Variants in ZNF705G observed in about 807,000 individuals in gnomAD.
ZNF705G encodes putative zinc finger protein 705G.
ZNF705G carries 23 observed loss-of-function variants against 19.6 expected under a neutral mutation model. The observed-to-expected ratio is 1.17, with a 90% confidence interval of 0.84 to 1.66. The LOEUF is 1.66. Ranked by LOEUF, ZNF705G falls within the 40% of genes most tolerant of loss-of-function variation. The pLI is 0.00. For synonymous variants in ZNF705G, 146 were observed against 117.7 expected, an observed-to-expected ratio of 1.24 and a Z score of -1.56; for missense variants, 457 against 354.4, an observed-to-expected ratio of 1.29 and a Z score of -2.32.
At chr8:7,369,182 C>A (rs1340446019) in intron 2 of ZNF705G, among the ~76,000 whole-genome samples, 1 of 149,440 alleles carries the variant, frequency 6.7e-6, no homozygotes, top group African/African-American at 2.6e-5. Flanking sequence ...CACTGGGTCA[C>A]CCCACAACAT....
In ZNF705G at chr8:7,358,560, C is replaced by A. The variant is rs768396741; in HGVS notation, c.319G>T (p.Glu107Ter). The change falls in exon 7 of 7, where the codon GAG becomes TAG. Residue 107 changes from glutamate (E) to a stop codon, truncating the protein, a stop_gained and splice_region_variant. Coordinates refer to ENST00000400156, the MANE Select transcript of ZNF705G (RefSeq NM_001164457.3). LOFTEE classifies it low-confidence loss of function (END_TRUNC). ...RKDASTSMTM[E>*]NSLILEDPFE... ...GGATCCTCCAGAATGAGAGAGTTCTCCTTTGGGGCAAATATTAAAAGCTCT... is the reference window on the plus strand; with the variant it reads ...GGATCCTCCAGAATGAGAGAGTTCTACTTTGGGGCAAATATTAAAAGCTCT... 13 of 1,607,286 alleles carry A rather than the reference C, an allele frequency of 8.1e-6. 1 individual carries two copies. Among genetic ancestry groups the A allele is most frequent in the Non-Finnish European group, 1.1e-5 (13 of 1,179,454 alleles).
chr8:7,364,806 T>C (rs371468033), intron 2 of ZNF705G, among the ~76,000 whole-genome samples: 2 of 149,580 alleles, frequency 1.3e-5, no homozygotes, highest in South Asian at 4.2e-4. Flanking sequence ...TCCATCTGCC[T>C]GTCCCTTCCA....
At chr8:7,359,048 TA>T (rs1408959321) in intron 6 of ZNF705G, among the ~76,000 whole-genome samples, 1 of 149,552 alleles carries the variant, frequency 6.7e-6, no homozygotes, top group East Asian at 1.9e-4. Flanking sequence ...TCATCTTATG[TA>T]AAAAAATCCA....
At chr8:7,368,429 G>C (rs1259978502) in intron 2 of ZNF705G, among the ~76,000 whole-genome samples, 2 of 149,366 alleles carry the variant, frequency 1.3e-5, no homozygotes, top group South Asian at 2.1e-4. Context: ...AAATTCTTTG[G>C]AGGTAAACTG....
At chr8:7,368,750 C>G (rs1373704006) in intron 2 of ZNF705G, among the ~76,000 whole-genome samples, 9 of 149,694 alleles carry the variant, frequency 6.0e-5, no homozygotes, top group Non-Finnish European at 1.2e-4. Flanking sequence ...TGAGCTGGGC[C>G]CAGTGCAAGC....
intron 2 of ZNF705G, among the ~76,000 whole-genome samples, chr8:7,380,368 G>T (rs138735033): frequency 0.022 from 3,234 of 147,418 alleles, 565 homozygotes; most frequent in African/African-American, 0.082. Context: ...TGGCACCTGT[G>T]CATGCCTTCT....
At chr8:7,361,586 A>T (rs1292935181) in intron 3 of ZNF705G, among the ~76,000 whole-genome samples, 3 of 149,774 alleles carry the variant, frequency 2.0e-5, no homozygotes, top group African/African-American at 7.7e-5. Context: ...TTTCAAGTAA[A>T]TTACAGATTT....
At chr8:7,367,419 G>A (rs1467051843) in intron 2 of ZNF705G, among the ~76,000 whole-genome samples, 4 of 149,382 alleles carry the variant, frequency 2.7e-5, no homozygotes, top group African/African-American at 5.2e-5. Context: ...CAACTTCTTG[G>A]GCGTGCATGT....
chr8:7,370,332 C>A (rs1480252500), intron 2 of ZNF705G, among the ~76,000 whole-genome samples: 5 of 148,146 alleles, frequency 3.4e-5, no homozygotes, highest in Admixed American at 2.0e-4. Flanking sequence ...ATACAAATGG[C>A]CAACAAATAT....
At chr8:7,380,899 C>T (rs1186299247) in intron 2 of ZNF705G, among the ~76,000 whole-genome samples, 1 of 140,036 alleles carries the variant, frequency 7.1e-6, no homozygotes, top group Admixed American at 6.8e-5. Context: ...TGCCTGTAAT[C>T]CCAGCTACTC....
intron 3 of ZNF705G, among the ~76,000 whole-genome samples, chr8:7,361,526 T>C (rs1399026511): frequency 6.7e-6 from 1 of 149,774 alleles, no homozygotes; most frequent in Admixed American, 6.6e-5. Context: ...CATAACTGAT[T>C]ATAAAATTTT....
intron 2 of ZNF705G, among the ~76,000 whole-genome samples, chr8:7,367,250 T>C (rs1426457214): frequency 6.7e-6 from 1 of 149,350 alleles, no homozygotes; most frequent in Non-Finnish European, 1.5e-5. Flanking sequence ...AGGAGAGGGC[T>C]CTTCCCCTAC....
In ZNF705G at chr8:7,374,627, AC is replaced by A. The variant is rs1170483520; in HGVS notation, c.-72+6824del. Among the ~76,000 whole-genome samples, 2 of 80,792 alleles carry A rather than the reference AC, an allele frequency of 2.5e-5. 1 individual carries two copies. The highest frequency in any genetic ancestry group is 4.6e-5 in the Non-Finnish European group (2 of 43,080). The allele number at this position is 80,792 out of a possible 152,430, so 53.0% of individuals were successfully genotyped here. A position where few individuals can be genotyped will look rare whatever the true frequency, so the allele number is the denominator to read the frequency against. On this transcript the variant is annotated intron_variant, in intron 2 of 6. Transcript: ENST00000400156. The stretch of plus-strand genomic sequence containing the variant: ...GGTAGACATTGAAGCAGAACTGCCA[AC>A]TTTTTGTAGAAGGCTAGAGAGGAGA...
chr8:7,374,723 C>G (rs1807194488), intron 2 of ZNF705G, among the ~76,000 whole-genome samples: 1 of 88,472 alleles, frequency 1.1e-5, no homozygotes, highest in Non-Finnish European at 2.2e-5. Flanking sequence ...TAGTGCTGTC[C>G]CTATCATCTG....
chr8:7,358,167 TAAAG>T lies in ZNF705G; in HGVS notation c.708_711del (p.Ile238AsnfsTer38), dbSNP rs907140316. On this transcript the variant is annotated frameshift_variant, in exon 7 of 7. Coordinates refer to ENST00000400156, the MANE Select transcript of ZNF705G (RefSeq NM_001164457.3). LOFTEE classifies it high-confidence loss of function. Reference sequence around the variant, plus strand: ...TGTCTTTGAAGGTTAAAGGATTGAATAAAGACTTTCCCATATTGATGACACTTAT... The same window carrying T: ...TGTCTTTGAAGGTTAAAGGATTGAATACTTTCCCATATTGATGACACTTAT... The T allele has an allele frequency of 1.2e-5, 19 of 1,607,388 alleles. No homozygotes were observed. The highest frequency in any genetic ancestry group is 2.2e-4 in the Middle Eastern group (1 of 4,452).
intron 2 of ZNF705G, among the ~76,000 whole-genome samples, chr8:7,368,770 T>G (rs1303338574): frequency 6.7e-6 from 1 of 149,642 alleles, no homozygotes; most frequent in Non-Finnish European, 1.5e-5. Flanking sequence ...CACAGGACAG[T>G]GCTCACAGCA....
At chr8:7,368,734 A>G (rs1420476193) in intron 2 of ZNF705G, among the ~76,000 whole-genome samples, 12 of 149,682 alleles carry the variant, frequency 8.0e-5, no homozygotes, top group Non-Finnish European at 1.3e-4. Flanking sequence ...GGGAAGAATC[A>G]TTTTGTGAGC....
chr8:7,380,431 G>GGGAGC (rs1338295223), intron 2 of ZNF705G, among the ~76,000 whole-genome samples: 1 of 147,384 alleles, frequency 6.8e-6, no homozygotes, highest in East Asian at 1.9e-4. Flanking sequence ...CACATTGTCT[G>GGGAGC]GGAGCCTGGG....
intron 2 of ZNF705G, among the ~76,000 whole-genome samples, chr8:7,367,469 C>A (rs572404471): frequency 1.3e-5 from 2 of 149,422 alleles, no homozygotes; most frequent in East Asian, 1.9e-4. Context: ...TCCGGGGGCA[C>A]GCTCCACCGG....
Sources: allele counts gnomAD v4.1 joint callset (sites outside exome capture counted in the v4.1 genomes callset), GRCh38; gene constraint gnomAD v4.1.1; transcripts MANE v1.5; gene names NCBI Gene and HGNC (gene_info 2026-07-23, HGNC 2026-07-21).